CTTNBP2: variants seen among roughly 807,000 people sequenced by gnomAD.
CTTNBP2 encodes cortactin-binding protein 2.
A neutral mutation model predicts 156.9 loss-of-function variants in CTTNBP2; 108 were observed. The observed-to-expected ratio is 0.69, with a 90% CI of 0.59 to 0.81. The LOEUF is 0.81. CTTNBP2 is among the 30% of genes least tolerant of loss of function. The pLI is 0.00. For synonymous variants in CTTNBP2, 767 were observed against 751.8 expected (o/e 1.02, Z -0.33); for missense variants, 1,924 against 2,035.4 (o/e 0.95, Z 1.05).
intron 5 of CTTNBP2, 77 bp downstream of exon 5, chr7:117,784,174 C>G (rs1242935189): frequency 4.7e-6 from 5 of 1,074,518 alleles, no homozygotes; most frequent in Admixed American, 2.7e-5. Context: ...GAACTTTCTG[C>G]TCATTACAAT....
In CTTNBP2 at chr7:117,792,283, C is replaced by T; in HGVS notation, c.913G>A (p.Val305Ile). The change falls in exon 4 of 23, where the codon GTT becomes ATT. Residue 305 changes from valine to isoleucine, a missense_variant. Transcript: ENST00000160373. This position sits in a 1 kb window ranked among gnomAD's most constrained non-coding sequence, Gnocchi z 4.2. ...GTCACTAGGTCTGTCTGGCATGCAA[C>T]AGACCTTGTCACAGTTCCTTCTGTT... Reference protein sequence around the residue: ...VGTEGTVTRSVACQTDLVTEN... With the variant: ...VGTEGTVTRSIACQTDLVTEN... 6.2e-7 allele frequency: 1 copy of T among 1,614,230 alleles called. No homozygotes were observed. The highest frequency in any genetic ancestry group is 8.5e-7 in the Non-Finnish European group (1 of 1,180,040).
chr7:117,726,531 T>G (rs1424683130), intron 17 of CTTNBP2, among the ~76,000 whole-genome samples: 1 of 152,210 alleles, frequency 6.6e-6, no homozygotes, highest in Non-Finnish European at 1.5e-5. Context: ...GGTAGACAAT[T>G]CTCTGCAGCA....
At position 117,728,240 on chromosome 7, in the gene CTTNBP2, C is replaced by T. The variant is rs757523770; in HGVS notation, c.3904G>A (p.Asp1302Asn). Residue 1302 changes from aspartate to asparagine, a missense_variant, in exon 17 of 23, where the codon GAT (aspartate) becomes AAT (asparagine). Physicochemically the swap from Asp to Asn is conservative, Grantham distance 23. Coordinates refer to ENST00000160373, the MANE Select transcript of CTTNBP2 (RefSeq NM_033427.3). ...KFKGQAPSPC[D>N]PVCKIVDWAL... Reference sequence around the variant, plus strand: ...CAGTCGACAATCTTGCACACAGGATCGCAGGGGGAGGGCGCCTGACCTTTG... The same window carrying T: ...CAGTCGACAATCTTGCACACAGGATTGCAGGGGGAGGGCGCCTGACCTTTG... 5 of 1,613,812 alleles carry T rather than the reference C, an allele frequency of 3.1e-6. No individual in the cohort carries two copies. Among genetic ancestry groups the T allele is most frequent in the Admixed American group, 1.7e-5 (1 of 59,988 alleles).
At chr7:117,714,544 G>A (rs944796973) in intron 22 of CTTNBP2, among the ~76,000 whole-genome samples, 1 of 152,146 alleles carries the variant, frequency 6.6e-6, no homozygotes. Flanking sequence ...CCAGAGGAAG[G>A]AAAGGAGACA....
At chr7:117,757,528 T>TAAAAAAAAAAAAAAAAAAAAAAAAA (rs56687697) in intron 11 of CTTNBP2, among the ~76,000 whole-genome samples, 1 of 91,442 alleles carries the variant, frequency 1.1e-5, no homozygotes, top group Non-Finnish European at 2.2e-5. Context: ...TTAAGCACAG[T>TAAAAAAAAAAAAAAAAAAAAAAAAA]AAAAAAAAAA....
In CTTNBP2 at chr7:117,836,750, G is replaced by A. The variant is rs950348801; in HGVS notation, c.189+24459C>T. Among the ~76,000 whole-genome samples the A allele has an allele frequency of 8.1e-4, 123 of 152,158 alleles. 1 individual carries two copies. Among genetic ancestry groups the A allele is most frequent in the Non-Finnish European group, 1.5e-3 (99 of 68,014 alleles). The stretch of plus-strand genomic sequence containing the variant: ...GGGTTTAATTAATTCACAGTTCCAC[G>A]TGGCTGGGGAGGCCTCATAATCATG... On this transcript the variant is annotated intron_variant, in intron 2 of 22. Transcript: ENST00000160373.
intron 3 of CTTNBP2, among the ~76,000 whole-genome samples, chr7:117,796,027 C>G (rs1220547458): frequency 2.0e-5 from 3 of 152,216 alleles, no homozygotes; most frequent in Non-Finnish European, 1.5e-5. Context: ...GACTTAGTCT[C>G]TCTTTACAGA....
chr7:117,770,499 G>C (rs746220786), intron 8 of CTTNBP2, among the ~76,000 whole-genome samples: 3 of 152,164 alleles, frequency 2.0e-5, no homozygotes, highest in Non-Finnish European at 4.4e-5. Flanking sequence ...ACAACTATTT[G>C]AGCACATACT....
chr7:117,867,722 G>C (rs1003572083), intron 1 of CTTNBP2, among the ~76,000 whole-genome samples: 1 of 152,162 alleles, frequency 6.6e-6, no homozygotes, highest in African/African-American at 2.4e-5. Flanking sequence ...AAATCATTTA[G>C]AGTAACCTAA....
At chr7:117,829,496 T>C (rs1801479898) in intron 2 of CTTNBP2, among the ~76,000 whole-genome samples, 1 of 152,214 alleles carries the variant, frequency 6.6e-6, no homozygotes, top group African/African-American at 2.4e-5. Flanking sequence ...GGTACTCATT[T>C]CCTTTTCACC....
intron 16 of CTTNBP2, among the ~76,000 whole-genome samples, chr7:117,729,380 A>G (rs1795278511): frequency 6.6e-6 from 1 of 152,206 alleles, no homozygotes. Flanking sequence ...TAAAAGGTCT[A>G]TCCAATAAAT....
At chr7:117,854,172 C>A (rs954926170) in intron 2 of CTTNBP2, among the ~76,000 whole-genome samples, 2 of 152,190 alleles carry the variant, frequency 1.3e-5, no homozygotes, top group African/African-American at 2.4e-5. Context: ...ATTATCTCAA[C>A]AGACAGGAAA....
chr7:117,757,521 A>G (rs1796948625), intron 11 of CTTNBP2, among the ~76,000 whole-genome samples: 1 of 143,100 alleles, frequency 7.0e-6, no homozygotes, highest in South Asian at 2.2e-4. Flanking sequence ...AGCATTATTA[A>G]GCACAGTAAA....
chr7:117,741,277 G>A (rs1796002415), intron 14 of CTTNBP2, among the ~76,000 whole-genome samples: 1 of 152,186 alleles, frequency 6.6e-6, no homozygotes, highest in Non-Finnish European at 1.5e-5. Flanking sequence ...CTAGATATGG[G>A]GAGTGAGGCA....
chr7:117,718,140 C>A (rs773981573), intron 21 of CTTNBP2, 21 bp from the exon 22 acceptor site: 1 of 1,481,064 alleles, frequency 6.8e-7, no homozygotes, highest in South Asian at 1.1e-5. Context: ...CAGAATTTGC[C>A]CGGTCATGTC....
In CTTNBP2 at chr7:117,817,387, T is replaced by A. The variant is rs1235549144; in HGVS notation, c.190-6398A>T. Among the ~76,000 whole-genome samples the A allele has an allele frequency of 6.9e-5, 8 of 116,110 alleles. No homozygotes were observed. The East Asian group carries it at 7.9e-4, about 11-fold the overall frequency. The allele number at this position is 116,110 out of a possible 152,430, so 76.2% of individuals were successfully genotyped here. On this transcript the variant is annotated intron_variant, in intron 2 of 22. Transcript: ENST00000160373. The stretch of plus-strand genomic sequence containing the variant: ...ATATATATATATATATATATATATA[T>A]AATTTCATCAGAATGTGAAGTTTTA...
intron 9 of CTTNBP2, among the ~76,000 whole-genome samples, chr7:117,764,946 G>A (rs1012895338): frequency 6.6e-6 from 1 of 151,768 alleles, no homozygotes; most frequent in African/African-American, 2.4e-5. Flanking sequence ...GTTTTGTTTT[G>A]TTTTTTTGAG....
rs1274831851 is a variant in CTTNBP2 at position 117,782,903 on chromosome 7, G to A, written c.2331C>T (p.Gly777=). 6 of 1,614,068 alleles carry A rather than the reference G, an allele frequency of 3.7e-6. No homozygotes were observed. The highest frequency in any genetic ancestry group is 5.1e-6 in the Non-Finnish European group (6 of 1,179,948). The change falls in exon 6 of 23, where the codon GGC becomes GGT. Residue 777 remains glycine (G), a synonymous_variant. Transcript: ENST00000160373. ...CAGCTGCAGCACACAAGGGTGTGAA[G>A]CCATTTTTATCAGCAGCATTGACTT... ...EAQVNAADKN[G]FTPLCAAAAQ... is the part of the protein sequence containing the mutation.
At chr7:117,864,783 CATAT>C (rs1331235605) in intron 1 of CTTNBP2, among the ~76,000 whole-genome samples, 2 of 133,300 alleles carry the variant, frequency 1.5e-5, no homozygotes, top group East Asian at 4.3e-4. Flanking sequence ...AATATATATT[CATAT>C]ATATTCATTC....
Sources: allele counts gnomAD v4.1 joint callset (sites outside exome capture counted in the v4.1 genomes callset), GRCh38; gene constraint gnomAD v4.1.1; non-coding constraint Gnocchi (gnomAD v3.1); transcripts MANE v1.5; gene names NCBI Gene and HGNC (gene_info 2026-07-23, HGNC 2026-07-21).